Variants in ZNF76 observed in about 807,000 individuals in gnomAD.
The protein encoded by ZNF76 is zinc finger protein 76.
ZNF76 carries 66 observed loss-of-function variants against 66.9 expected under a neutral mutation model. The observed-to-expected ratio is 0.99, with a 90% CI of 0.81 to 1.21. The LOEUF is 1.21. Ranked by LOEUF, ZNF76 falls within the 50% of genes most tolerant of loss-of-function variation. The probability of loss-of-function intolerance (pLI) is 0.00; values close to 1 mark genes in which losing one functional copy is unlikely to be tolerated. For missense variants in ZNF76, 729 were observed against 760.3 expected, an observed-to-expected ratio of 0.96 and a Z score of 0.48; for synonymous variants, 275 against 296.1, an observed-to-expected ratio of 0.93 and a Z score of 0.73.
chr6:35,260,137 GTTA>G (rs1784998026), intron 1 of ZNF76, among the ~76,000 whole-genome samples: 1 of 152,202 alleles, frequency 6.6e-6, no homozygotes, highest in South Asian at 2.1e-4. Context: ...GTAACCGTTG[GTTA>G]TTATTCATTG....
chr6:35,261,169 C>T lies in ZNF76; in HGVS notation c.-97+1328C>T, dbSNP rs544085024. Among the ~76,000 whole-genome samples, 8 of 152,334 alleles carry T rather than the reference C, an allele frequency of 5.3e-5. No individual in the cohort carries two copies. The South Asian group carries it at 1.7e-3, about 32-fold the overall frequency. On this transcript the variant is annotated intron_variant, in intron 1 of 13. Transcript: ENST00000373953. The stretch of plus-strand genomic sequence containing the variant: ...TGCCTGACATAACATATGTAAAGCA[C>T]CGGGCACCATGCCTGGCTCATGGGA...
intron 2 of ZNF76, among the ~76,000 whole-genome samples, chr6:35,283,187 C>A (rs1789035761): frequency 6.6e-6 from 1 of 152,228 alleles, no homozygotes; most frequent in South Asian, 2.1e-4. Context: ...TTACGTATTT[C>A]TTTATTCTGT....
intron 1 of ZNF76, among the ~76,000 whole-genome samples, chr6:35,277,831 C>T (rs899902508): frequency 1.6e-4 from 24 of 152,136 alleles, no homozygotes; most frequent in African/African-American, 5.1e-4. Context: ...ATCAGCGTGT[C>T]GCAGTTGGTC....
At chr6:35,284,302 T>G (rs768370713) in intron 2 of ZNF76, among the ~76,000 whole-genome samples, 23 of 151,982 alleles carry the variant, frequency 1.5e-4, no homozygotes, top group Non-Finnish European at 1.6e-4. Flanking sequence ...TGATGTTGGC[T>G]AGACTGGTCT....
At position 35,287,620 on chromosome 6, in the gene ZNF76, C is replaced by G; in HGVS notation, c.233-26C>G. ...TGTATCTCTTCCCCTTGTGTGGCAT[C>G]AGGGCTAACCGCGTGTTCCCTGCAG... is the stretch of plus-strand genomic sequence containing the variant. On this transcript the variant is annotated intron_variant, in intron 4 of 13. Coordinates refer to ENST00000373953, the MANE Select transcript of ZNF76 (RefSeq NM_003427.5). The surrounding 1 kb of genome is among the most constrained non-coding windows in gnomAD (Gnocchi z 4.0). 3 of 1,574,894 alleles carry G rather than the reference C, an allele frequency of 1.9e-6. No homozygotes were observed. The highest frequency in any genetic ancestry group is 2.6e-6 in the Non-Finnish European group (3 of 1,158,360).
intron 1 of ZNF76, among the ~76,000 whole-genome samples, chr6:35,274,637 A>T (rs770680058): frequency 6.6e-6 from 1 of 152,212 alleles, no homozygotes; most frequent in Non-Finnish European, 1.5e-5. Context: ...AGGCAAGAGG[A>T]TCGCTTGAGC....
chr6:35,279,128 A>G (rs959481314), intron 1 of ZNF76: 1 of 153,896 alleles, frequency 6.5e-6, no homozygotes, highest in South Asian at 2.1e-4. Flanking sequence ...TTAGATTTGT[A>G]CTCTTTTTTT....
At chr6:35,282,590 G>A (rs987391635) in intron 2 of ZNF76, among the ~76,000 whole-genome samples, 4 of 152,102 alleles carry the variant, frequency 2.6e-5, no homozygotes, top group African/African-American at 9.7e-5. Context: ...ACAGCACCTT[G>A]AACAAGGCAA....
chr6:35,285,998 A>G (rs765012495), intron 2 of ZNF76, 130 bp from the exon 3 acceptor site: 1 of 812,108 alleles, frequency 1.2e-6, no homozygotes, highest in Non-Finnish European at 2.0e-6. Context: ...GGAACAAGGA[A>G]GATGTTACCC....
chr6:35,288,309 A>G (rs947055829), intron 5 of ZNF76: 16 of 368,060 alleles, frequency 4.3e-5, no homozygotes, highest in African/African-American at 3.0e-4. Context: ...TCAGTGGGCT[A>G]TGACAAGGGC....
At chr6:35,264,066 C>T (rs1450397468) in intron 1 of ZNF76, among the ~76,000 whole-genome samples, 1 of 152,190 alleles carries the variant, frequency 6.6e-6, no homozygotes, top group Non-Finnish European at 1.5e-5. Context: ...TCTTTATCTT[C>T]TGTCTTCATC....
At chr6:35,288,949 T>TA (rs34352057) in intron 5 of ZNF76, among the ~76,000 whole-genome samples, 130 of 95,718 alleles carry the variant, frequency 1.4e-3, no homozygotes, top group African/African-American at 3.9e-3. Context: ...AGATCCTATC[T>TA]AAAAAAAAAA....
chr6:35,265,551 T>G (rs1325211582), intron 1 of ZNF76, among the ~76,000 whole-genome samples: 1 of 148,576 alleles, frequency 6.7e-6, no homozygotes, highest in Non-Finnish European at 1.5e-5. Flanking sequence ...AATGCCAGGA[T>G]TCTGGGTGTT....
intron 1 of ZNF76, among the ~76,000 whole-genome samples, chr6:35,268,669 G>A (rs1015490262): frequency 1.3e-5 from 2 of 150,848 alleles, no homozygotes; most frequent in Non-Finnish European, 3.0e-5. Flanking sequence ...GCATGGTGGC[G>A]TGCAGGAGAA....
In ZNF76 at chr6:35,292,667, A is replaced by G. The variant is rs1790580824; in HGVS notation, c.1045A>G (p.Thr349Ala). 1 of 1,614,092 alleles carries G rather than the reference A, an allele frequency of 6.2e-7. No individual in the cohort carries two copies. Among genetic ancestry groups the G allele is most frequent in the East Asian group, 2.2e-5 (1 of 44,862 alleles). The change falls in exon 10 of 14, where the codon ACC becomes GCC. Residue 349 changes from threonine to alanine, a missense_variant. By Grantham distance (58) the Thr-to-Ala change is moderately conservative. Transcript: ENST00000373953. The surrounding 1 kb of genome is among the most constrained non-coding windows in gnomAD (Gnocchi z 4.7). ...ACACTGCAAGCCCTACACCTGCAGC[A>G]CCTGCGGCAAGACCTACCGGCAGAC... ...HTHCKPYTCSTCGKTYRQTST... is the reference protein window; with the variant it reads ...HTHCKPYTCSACGKTYRQTST...
In ZNF76 at chr6:35,294,416, A is replaced by G. The variant is rs752416630; in HGVS notation, c.1495-40A>G. The G allele has an allele frequency of 3.8e-6, 5 of 1,327,170 alleles. No individual in the cohort carries two copies. In the Admixed American group the frequency reaches 5.0e-5, roughly 13 times the overall value. The allele number at this position is 1,327,170 out of a possible 1,614,324, so 82.2% of individuals were successfully genotyped here. A position where few individuals can be genotyped will look rare whatever the true frequency, so the allele number is the denominator to read the frequency against. On this transcript the variant is annotated intron_variant, in intron 12 of 13. Transcript: ENST00000373953. ...TATTTGGATTGTGGGGAGGGAGAGT[A>G]TACTGCAGGTGGAATGGAAGACCTC...
In ZNF76 at chr6:35,289,349, G is replaced by GT. The variant is rs547834298; in HGVS notation, c.433-914dup. Among the ~76,000 whole-genome samples, 10 of 152,292 alleles carry GT rather than the reference G, an allele frequency of 6.6e-5. No homozygotes were observed. In the South Asian group the frequency reaches 2.1e-3, roughly 32 times the overall value. On this transcript the variant is annotated intron_variant, in intron 5 of 13. Transcript: ENST00000373953. ...TGACCCTACCCTCTACCCAGAAGCT[G>GT]TTTAAGTGTCCGTGAAGCTCTCAGC...
In ZNF76 at chr6:35,295,467, A is replaced by G. The variant is rs1791062201; in HGVS notation, c.*219A>G. ...ATCAGGGGAGTGCATCATCCTCGGG[A>G]GCTGACAACAGCCAGGCTACACCAG... On this transcript the variant is annotated 3_prime_UTR_variant, in exon 14 of 14. Coordinates refer to ENST00000373953, the MANE Select transcript of ZNF76 (RefSeq NM_003427.5). The G allele has an allele frequency of 5.3e-6, 3 of 568,590 alleles. No homozygotes were observed. Among genetic ancestry groups the G allele is most frequent in the Admixed American group, 2.6e-5 (1 of 38,746 alleles). 35.2% of individuals were successfully genotyped at this position (568,590 alleles called of 1,614,324 possible).
intron 11 of ZNF76, 51 bp from the exon 12 acceptor site, chr6:35,293,700 C>G: frequency 1.9e-6 from 3 of 1,593,904 alleles, no homozygotes; most frequent in Non-Finnish European, 2.6e-6. Context: ...TAGGGACTTT[C>G]AGACAACCCT....
Sources: gnomAD v4.1 joint callset for allele counts (sites outside exome capture counted in the v4.1 genomes callset) on GRCh38, gnomAD v4.1.1 for gene constraint, Gnocchi (gnomAD v3.1) non-coding constraint, MANE v1.5 for transcripts, NCBI Gene and HGNC (gene_info 2026-07-23, HGNC 2026-07-21) for gene names.